Variants in VPS16 observed in about 807,000 individuals in gnomAD.
VPS16 encodes VPS16 core subunit of CORVET and HOPS complexes, also known as vacuolar protein sorting-associated protein 16 homolog.
In VPS16, 82 loss-of-function variants were observed where a neutral mutation model predicts 116.0. That is an observed-to-expected ratio of 0.71 (90% CI 0.59 to 0.85). VPS16 has a LOEUF of 0.85. Among genes scored for constraint, VPS16 ranks in the 40% least tolerant of loss-of-function variants. The pLI, the probability that VPS16 is intolerant of heterozygous loss-of-function variation, is 0.00. For synonymous variants in VPS16, 406 were observed against 420.7 expected (o/e 0.96, Z 0.43); for missense variants, 928 against 1,090.6 (o/e 0.85, Z 2.10).
Position 2,856,820 on chromosome 20 carries a change from A to G in VPS16, c.54-2899A>G, listed in dbSNP as rs868227561. Among the ~76,000 whole-genome samples, 5 of 152,282 alleles carry G rather than the reference A, an allele frequency of 3.3e-5. No homozygotes were observed. In the Middle Eastern group the frequency reaches 0.01, roughly 311 times the overall value. On this transcript the variant is annotated intron_variant, in intron 1 of 23. Transcript: ENST00000380445. ...TCCTCTTCCATTGATCTATTTGCAC[A>G]TTCCTGTGCCAAAATAATAGTTTTA... is the stretch of plus-strand genomic sequence containing the variant.
In VPS16 at chr20:2,860,630, C is replaced by T; in HGVS notation, c.514+37C>T. Reference sequence around the variant, plus strand: ...CACCGCTGAGATAGCCAAGCAGTACCCACAGATGTGCCTCTAGCCTGTGAG... The same window carrying T: ...CACCGCTGAGATAGCCAAGCAGTACTCACAGATGTGCCTCTAGCCTGTGAG... On this transcript the variant is annotated intron_variant, in intron 5 of 23. Coordinates refer to ENST00000380445, the MANE Select transcript of VPS16 (RefSeq NM_022575.4). The surrounding 1 kb of genome is among the most constrained non-coding windows in gnomAD (Gnocchi z 6.1). 1 of 1,612,102 alleles carries T rather than the reference C, an allele frequency of 6.2e-7. No individual in the cohort carries two copies. Among genetic ancestry groups the T allele is most frequent in the African/African-American group, 1.3e-5 (1 of 74,992 alleles).
Position 2,864,293 on chromosome 20 carries a change from G to A in VPS16, c.1720+6G>A, listed in dbSNP as rs748864183. ...GAGCGGGGACACTGACCTGGGTGAGGGCAAGGCTGGGGGGCCCCTGGGCTA... is the reference window on the plus strand; with the variant it reads ...GAGCGGGGACACTGACCTGGGTGAGAGCAAGGCTGGGGGGCCCCTGGGCTA... On this transcript the variant is annotated splice_donor_region_variant and intron_variant, in intron 17 of 23. Transcript: ENST00000380445. The surrounding 1 kb of genome is among the most constrained non-coding windows in gnomAD (Gnocchi z 5.2). 5.6e-6 allele frequency: 9 copies of A among 1,614,130 alleles called. No homozygotes were observed. Among genetic ancestry groups the A allele is most frequent in the Non-Finnish European group, 7.6e-6 (9 of 1,179,990 alleles).
At chr20:2,845,052 C>T (rs2089045000) in intron 1 of VPS16, among the ~76,000 whole-genome samples, 1 of 140,012 alleles carries the variant, frequency 7.1e-6, no homozygotes, top group African/African-American at 2.8e-5. Flanking sequence ...GTTTTAAGTT[C>T]CTTTTGTAGG....
At chr20:2,848,458 C>T (rs1256112115) in intron 1 of VPS16, among the ~76,000 whole-genome samples, 1 of 152,144 alleles carries the variant, frequency 6.6e-6, no homozygotes, top group Admixed American at 6.5e-5. Context: ...TGAGCGGAGC[C>T]ACTCCCACTT....
chr20:2,859,581 T>C (rs545549814), intron 1 of VPS16, 138 bp from the exon 2 acceptor site: 1 of 1,001,238 alleles, frequency 1.0e-6, no homozygotes, highest in South Asian at 1.4e-5. Context: ...CCCTCCTCCC[T>C]CCCTCTGGGG....
chr20:2,856,980 CT>C (rs3053469), intron 1 of VPS16, among the ~76,000 whole-genome samples: 73 of 142,164 alleles, frequency 5.1e-4, no homozygotes, highest in South Asian at 1.1e-3. Context: ...TTTTCTTTTT[CT>C]TTTTTTTTTT....
In VPS16 at chr20:2,865,614, T is replaced by G. The variant is rs1336885271; in HGVS notation, c.2271+119T>G. On this transcript the variant is annotated intron_variant, in intron 22 of 23. Coordinates refer to ENST00000380445, the MANE Select transcript of VPS16 (RefSeq NM_022575.4). The surrounding 1 kb of genome is among the most constrained non-coding windows in gnomAD (Gnocchi z 5.2). ...GCTCCTGTTCAGCTGCCCGCATAGT[T>G]AGCGAGTGCTTCCTGTATACACATT... 1.1e-6 allele frequency: 1 copy of G among 896,866 alleles called. No individual in the cohort carries two copies. Among genetic ancestry groups the G allele is most frequent in the African/African-American group, 1.7e-5 (1 of 59,452 alleles). The allele number at this position is 896,866 out of a possible 1,614,324, so 55.6% of individuals were successfully genotyped here.
intron 1 of VPS16, among the ~76,000 whole-genome samples, chr20:2,859,166 T>A (rs977991326): frequency 6.6e-6 from 1 of 152,052 alleles, no homozygotes; most frequent in Non-Finnish European, 1.5e-5. Context: ...GGTGTGGTAG[T>A]GCACCCTGGA....
intron 1 of VPS16, among the ~76,000 whole-genome samples, chr20:2,847,779 GC>G (rs1008637783): frequency 2.0e-5 from 3 of 151,478 alleles, no homozygotes; most frequent in African/African-American, 7.3e-5. Context: ...ACCCAGCCCC[GC>G]CCCCTCTCTT....
At chr20:2,855,086 G>A (rs184520224) in intron 1 of VPS16, among the ~76,000 whole-genome samples, 23 of 147,056 alleles carry the variant, frequency 1.6e-4, no homozygotes, top group Admixed American at 2.8e-4. Flanking sequence ...TCAATCTCCC[G>A]AGTAGCTGGG....
intron 11 of VPS16, 180 bp downstream of exon 11, chr20:2,862,310 A>G: frequency 2.1e-6 from 2 of 950,436 alleles, no homozygotes; most frequent in East Asian, 5.3e-5. Flanking sequence ...GTGGTGTGAT[A>G]GGGACGGGCA....
chr20:2,847,773 A>G (rs6138905), intron 1 of VPS16, among the ~76,000 whole-genome samples: 37,846 of 151,136 alleles, frequency 0.25, 7,389 homozygotes, highest in African/African-American at 0.53. Context: ...CACCGCACCC[A>G]GCCCCGCCCC....
intron 1 of VPS16, among the ~76,000 whole-genome samples, chr20:2,843,066 G>A (rs533603260): frequency 6.6e-6 from 1 of 152,156 alleles, no homozygotes; most frequent in South Asian, 2.1e-4. Context: ...CTTCCTAGAT[G>A]GACAAGTGCC....
chr20:2,857,721 A>G (rs2089187384), intron 1 of VPS16, among the ~76,000 whole-genome samples: 1 of 149,688 alleles, frequency 6.7e-6, no homozygotes, highest in South Asian at 2.1e-4. Flanking sequence ...TTATTTATTT[A>G]TTTGTTGAGA....
chr20:2,865,901 A>G lies in VPS16; in HGVS notation c.2272-311A>G, dbSNP rs989744975. Reference sequence around the variant, plus strand: ...GGGCAGGTTTGAGAATGTCAATCACAAGAGAACACAGGAAATGTGAGGGCT... The same window carrying G: ...GGGCAGGTTTGAGAATGTCAATCACGAGAGAACACAGGAAATGTGAGGGCT... On this transcript the variant is annotated intron_variant, in intron 22 of 23. Transcript: ENST00000380445. This position sits in a 1 kb window ranked among gnomAD's most constrained non-coding sequence, Gnocchi z 5.2. The G allele has an allele frequency of 2.1e-6, 1 of 481,168 alleles. No individual in the cohort carries two copies. Among genetic ancestry groups the G allele is most frequent in the African/African-American group, 1.9e-5 (1 of 51,314 alleles). The allele number at this position is 481,168 out of a possible 1,614,324, so 29.8% of individuals were successfully genotyped here.
rs2089334143 is a variant in VPS16 at position 2,865,957 on chromosome 20, T to C, written c.2272-255T>C. 1.9e-6 allele frequency: 1 copy of C among 530,728 alleles called. No homozygotes were observed. The highest frequency in any genetic ancestry group is 3.2e-5 in the Admixed American group (1 of 31,094). The allele number at this position is 530,728 out of a possible 1,614,324, so 32.9% of individuals were successfully genotyped here. Reference sequence around the variant, plus strand: ...CAGGAACGCCTGTTGCAAGGGGTAATGGTGGGTGGTAGAGCAGAAGCGTGG... The same window carrying C: ...CAGGAACGCCTGTTGCAAGGGGTAACGGTGGGTGGTAGAGCAGAAGCGTGG... On this transcript the variant is annotated intron_variant, in intron 22 of 23. Coordinates refer to ENST00000380445, the MANE Select transcript of VPS16 (RefSeq NM_022575.4). The surrounding 1 kb of genome is among the most constrained non-coding windows in gnomAD (Gnocchi z 5.2).
chr20:2,852,398 G>T (rs559388867), intron 1 of VPS16, among the ~76,000 whole-genome samples: 1 of 152,244 alleles, frequency 6.6e-6, no homozygotes, highest in South Asian at 2.1e-4. Flanking sequence ...TTGGAGCTGA[G>T]AGGCAATGCG....
Position 2,866,654 on chromosome 20 carries a change from C to A in VPS16, c.*80C>A. 1 of 1,579,714 alleles carries A rather than the reference C, an allele frequency of 6.3e-7. No homozygotes were observed. The highest frequency in any genetic ancestry group is 8.6e-7 in the Non-Finnish European group (1 of 1,162,152). ...GGCAGAAGGGCCATAGTTCATCCAG[C>A]TCCTCCCCTAGAGCAATGCTGAGGA... On this transcript the variant is annotated 3_prime_UTR_variant, in exon 24 of 24. Coordinates refer to ENST00000380445, the MANE Select transcript of VPS16 (RefSeq NM_022575.4).
rs748453006 is a variant in VPS16 at position 2,860,344 on chromosome 20, C to T, written c.346C>T (p.Arg116Trp). 56 of 1,613,922 alleles carry T rather than the reference C, an allele frequency of 3.5e-5. No homozygotes were observed. The highest frequency in any genetic ancestry group is 4.2e-5 in the Non-Finnish European group (49 of 1,180,008). ...VLVYGLHGDFRRHFSMGNEVL... is the reference protein window; with the variant it reads ...VLVYGLHGDFWRHFSMGNEVL... ...GGTTTATGGGCTTCATGGTGACTTC[C>T]GGAGACACTTCAGCATGGGCAATGT... The change falls in exon 4 of 24, where the codon CGG becomes TGG. Residue 116 changes from arginine (R) to tryptophan (W), a missense_variant. Physicochemically the swap from Arg to Trp is moderately radical, Grantham distance 101. Transcript: ENST00000380445. The surrounding 1 kb of genome is among the most constrained non-coding windows in gnomAD (Gnocchi z 6.1).
Sources: allele counts gnomAD v4.1 joint callset (sites outside exome capture counted in the v4.1 genomes callset), GRCh38; gene constraint gnomAD v4.1.1; non-coding constraint Gnocchi (gnomAD v3.1); transcripts MANE v1.5; gene names NCBI Gene and HGNC (gene_info 2026-07-23, HGNC 2026-07-21).